The following ANKRD31 variants were observed in gnomAD, a reference collection of about 807,000 sequenced individuals.
ANKRD31 encodes ankyrin repeat domain 31, also known as ankyrin repeat domain-containing protein 31.
In ANKRD31, 147 loss-of-function variants were observed where a neutral mutation model predicts 186.0. The ratio of observed to expected loss-of-function variants is 0.79; its 90% CI spans 0.69 to 0.91. ANKRD31 has a LOEUF of 0.91. Ranked by LOEUF, ANKRD31 falls within the 40% of genes least tolerant of loss-of-function variation. The pLI, the probability that ANKRD31 is intolerant of heterozygous loss-of-function variation, is 0.00. For missense variants in ANKRD31, 1,986 were observed against 2,148.8 expected (o/e 0.92, Z 1.50); for synonymous variants, 673 against 736.4 (o/e 0.91, Z 1.39).
chr5:75,091,497 A>G, intron 22 of ANKRD31, 96 bp from the exon 23 acceptor site: 1 of 1,045,620 alleles, frequency 9.6e-7, no homozygotes, highest in Non-Finnish European at 1.3e-6. Flanking sequence ...GACCACATAT[A>G]CCCTAACACC....
intron 17 of ANKRD31, among the ~76,000 whole-genome samples, chr5:75,136,230 T>C (rs1199663650): frequency 6.6e-6 from 1 of 152,138 alleles, no homozygotes; most frequent in East Asian, 1.9e-4. Context: ...ACAGGTGACC[T>C]ACAGAATGGG....
chr5:75,236,549 AG>A, intron 1 of ANKRD31, 33 bp downstream of exon 1: 2 of 1,525,926 alleles, frequency 1.3e-6, no homozygotes, highest in Non-Finnish European at 1.8e-6. Context: ...CCCTGGCGCG[AG>A]GGTTCAGGCA....
intron 1 of ANKRD31, among the ~76,000 whole-genome samples, chr5:75,231,670 A>C (rs541579650): frequency 2.0e-5 from 3 of 152,172 alleles, no homozygotes; most frequent in Non-Finnish European, 4.4e-5. Flanking sequence ...ATCATCACTA[A>C]TCATAGGGGA....
At chr5:75,179,726 C>T (rs1011938118) in intron 10 of ANKRD31, among the ~76,000 whole-genome samples, 1 of 152,100 alleles carries the variant, frequency 6.6e-6, no homozygotes, top group African/African-American at 2.4e-5. Context: ...ATTGATGGGA[C>T]ATATCTCAAA....
intron 12 of ANKRD31, among the ~76,000 whole-genome samples, chr5:75,150,041 C>T (rs12109939): frequency 0.081 from 12,271 of 151,732 alleles, 1,261 homozygotes; most frequent in African/African-American, 0.24. Flanking sequence ...ATATTATTTT[C>T]CCTCTGCCAC....
At chr5:75,115,019 T>A (rs1388589413) in intron 19 of ANKRD31, among the ~76,000 whole-genome samples, 1 of 152,220 alleles carries the variant, frequency 6.6e-6, no homozygotes, top group African/African-American at 2.4e-5. Flanking sequence ...ACTACAAGGC[T>A]ACAGTAACCA....
In ANKRD31 at chr5:75,104,981, A is replaced by C; in HGVS notation, c.4578T>G (p.His1526Gln). 1 of 1,536,832 alleles carries C rather than the reference A, an allele frequency of 6.5e-7. No individual in the cohort carries two copies. Among genetic ancestry groups the C allele is most frequent in the African/African-American group, 1.4e-5 (1 of 73,020 alleles). Residue 1526 changes from histidine (H) to glutamine (Q), a missense_variant, in exon 22 of 26, where the codon CAT (histidine) becomes CAG (glutamine). Transcript: ENST00000506364. ...CAGGAGAAAGTGAACCTGATTGGGG[A>C]TGCTCTAAATTTTCCAGACTAGTGA... is the stretch of plus-strand genomic sequence containing the variant. ...QELTSLENLEHPQSGSLSPVS... is the reference protein window; with the variant it reads ...QELTSLENLEQPQSGSLSPVS...
At position 75,100,329 on chromosome 5, in the gene ANKRD31, T is replaced by A. The variant is rs550234836; in HGVS notation, c.5331+3899A>T. Reference sequence around the variant, plus strand: ...CCATTCTTTTACATTTGCTGAGGAGTGCTTTACTTCCAACTATGTGGTCAA... The same window carrying A: ...CCATTCTTTTACATTTGCTGAGGAGAGCTTTACTTCCAACTATGTGGTCAA... On this transcript the variant is annotated intron_variant, in intron 22 of 25. Transcript: ENST00000506364. Among the ~76,000 whole-genome samples, 4 of 152,230 alleles carry A rather than the reference T, an allele frequency of 2.6e-5. No homozygotes were observed. The East Asian group carries it at 7.7e-4, about 29-fold the overall frequency.
chr5:75,078,506 T>C (rs952890813), intron 25 of ANKRD31, among the ~76,000 whole-genome samples: 7 of 152,212 alleles, frequency 4.6e-5, no homozygotes, highest in Non-Finnish European at 1.0e-4. Context: ...AAAGAAAATA[T>C]ATTTAGTAAA....
intron 14 of ANKRD31, 45 bp from the exon 15 acceptor site, chr5:75,144,216 T>G (rs1222036805): frequency 7.6e-6 from 3 of 395,730 alleles, no homozygotes; most frequent in Non-Finnish European, 1.3e-5. Flanking sequence ...TTCTCCTACC[T>G]GGTTATACAA....
chr5:75,142,201 C>T (rs1751101515), intron 15 of ANKRD31, among the ~76,000 whole-genome samples: 1 of 152,098 alleles, frequency 6.6e-6, no homozygotes, highest in Non-Finnish European at 1.5e-5. Flanking sequence ...GTGTCTTGTT[C>T]ACTGTACTAG....
intron 10 of ANKRD31, among the ~76,000 whole-genome samples, chr5:75,182,058 A>T (rs1352263626): frequency 6.6e-6 from 1 of 152,218 alleles, no homozygotes; most frequent in Non-Finnish European, 1.5e-5. Context: ...CTGATAAAAT[A>T]AATATGTAGA....
Position 75,188,545 on chromosome 5 carries a change from A to T in ANKRD31, c.1512T>A (p.Leu504=), listed in dbSNP as rs763967890. ...YKAALHDDAD[L]VHHCIKKGGN... ...CACCTTTTTTTATACAATGATGAAC[A>T]AGATCAGCATCATCGTGTAGAGCAG... The change falls in exon 10 of 26, where the codon CTT becomes CTA. Residue 504 remains leucine (L), a synonymous_variant. Transcript: ENST00000506364. 2.3e-5 allele frequency: 35 copies of T among 1,536,320 alleles called. No homozygotes were observed. Among genetic ancestry groups the T allele is most frequent in the Non-Finnish European group, 3.0e-5 (34 of 1,146,552 alleles).
intron 11 of ANKRD31, among the ~76,000 whole-genome samples, chr5:75,163,519 G>A (rs917212689): frequency 2.0e-5 from 3 of 152,158 alleles, no homozygotes; most frequent in Non-Finnish European, 2.9e-5. Flanking sequence ...TAGGGTGACT[G>A]AATAAATTGT....
chr5:75,200,582 G>A (rs1453287524), intron 5 of ANKRD31, among the ~76,000 whole-genome samples: 1 of 150,454 alleles, frequency 6.6e-6, no homozygotes, highest in Non-Finnish European at 1.5e-5. Flanking sequence ...ACAGGTGTGA[G>A]CCACCACACC....
Position 75,195,947 on chromosome 5 carries a change from G to GTGCT in ANKRD31, c.697_700dup (p.Thr234LysfsTer9), listed in dbSNP as rs1458211536. On this transcript the variant is annotated frameshift_variant, in exon 7 of 26. Transcript: ENST00000506364. LOFTEE classifies it high-confidence loss of function. ...TAATTCAAACAATCTTTCCTCCTGGGTGCTTTCTGGTGATGTAAGTAAACT... is the reference window on the plus strand; with the variant it reads ...TAATTCAAACAATCTTTCCTCCTGGGTGCTTGCTTTCTGGTGATGTAAGTAAACT... 3 of 1,533,446 alleles carry GTGCT rather than the reference G, an allele frequency of 2.0e-6. No homozygotes were observed. The highest frequency in any genetic ancestry group is 2.6e-6 in the Non-Finnish European group (3 of 1,145,030). 95.0% of individuals were successfully genotyped at this position (1,533,446 alleles called of 1,614,324 possible).
In ANKRD31 at chr5:75,224,155, A is replaced by G. The variant is rs1025179098; in HGVS notation, c.179-1797T>C. 9.7e-5 allele frequency among the ~76,000 whole-genome samples: 5 copies of G among 51,804 alleles called. No individual in the cohort carries two copies. The East Asian group carries it at 1.8e-3, about 19-fold the overall frequency. The allele number at this position is 51,804 out of a possible 152,430, so 34.0% of individuals were successfully genotyped here. A position where few individuals can be genotyped will look rare whatever the true frequency, so the allele number is the denominator to read the frequency against. Reference sequence around the variant, plus strand: ...TATATATATATATATATATATATATATATATGTATATATATATATATATAC... The same window carrying G: ...TATATATATATATATATATATATATGTATATGTATATATATATATATATAC... On this transcript the variant is annotated intron_variant, in intron 2 of 25. Coordinates refer to ENST00000506364, the MANE Select transcript of ANKRD31 (RefSeq NM_001372053.1).
intron 22 of ANKRD31, among the ~76,000 whole-genome samples, chr5:75,098,242 C>G (rs1014821143): frequency 2.6e-5 from 4 of 152,170 alleles, no homozygotes; most frequent in Admixed American, 2.6e-4. Context: ...CCATCTCGGC[C>G]TCCCAAAGTG....
chr5:75,185,624 G>C (rs1754657257), intron 10 of ANKRD31, among the ~76,000 whole-genome samples: 1 of 152,004 alleles, frequency 6.6e-6, no homozygotes. Flanking sequence ...GGTGACTAGA[G>C]TCAGCAAAGA....
Sources: allele counts gnomAD v4.1 joint callset (sites outside exome capture counted in the v4.1 genomes callset), GRCh38; gene constraint gnomAD v4.1.1; transcripts MANE v1.5; gene names NCBI Gene and HGNC (gene_info 2026-07-23, HGNC 2026-07-21).